Variants in CNTNAP2 observed in about 807,000 individuals in gnomAD.
CNTNAP2 encodes the protein contactin-associated protein-like 2.
Under a neutral mutation model 155.2 loss-of-function variants are expected in CNTNAP2, and 98 were observed. The ratio of observed to expected loss-of-function variants is 0.63; its 90% CI spans 0.54 to 0.75. The LOEUF is 0.75. Among genes scored for constraint, CNTNAP2 ranks in the 30% least tolerant of loss-of-function variants. The pLI, the probability that CNTNAP2 is intolerant of heterozygous loss-of-function variation, is 0.00. For missense variants in CNTNAP2, 1,727 were observed against 1,688.1 expected, an observed-to-expected ratio of 1.02 and a Z score of -0.40; for synonymous variants, 651 against 631.2, an observed-to-expected ratio of 1.03 and a Z score of -0.47.
intron 1 of CNTNAP2, among the ~76,000 whole-genome samples, chr7:146,723,379 A>C (rs6969806): frequency 0.034 from 5,209 of 152,242 alleles, 133 homozygotes; most frequent in East Asian, 0.12. Context: ...GAACCAGTAA[A>C]CTTCTACTGT....
chr7:146,348,802 T>G (rs1794868246), intron 1 of CNTNAP2, among the ~76,000 whole-genome samples: 1 of 148,916 alleles, frequency 6.7e-6, no homozygotes, highest in Non-Finnish European at 1.5e-5. Flanking sequence ...AAAAATTCCT[T>G]GTTCTCATGA....
intron 2 of CNTNAP2, among the ~76,000 whole-genome samples, chr7:146,813,398 A>G (rs1272645409): frequency 6.6e-6 from 1 of 152,202 alleles, no homozygotes; most frequent in East Asian, 1.9e-4. Context: ...CATGGAGTCA[A>G]AGGAGATAAC....
chr7:148,280,684 T>C (rs2116460506), intron 21 of CNTNAP2, among the ~76,000 whole-genome samples: 1 of 152,230 alleles, frequency 6.6e-6, no homozygotes, highest in African/African-American at 2.4e-5. Context: ...TTTGGAAGGC[T>C]GAGGCAGGTG....
At chr7:147,817,367 A>G (rs1554438427) in intron 13 of CNTNAP2, among the ~76,000 whole-genome samples, 1 of 152,240 alleles carries the variant, frequency 6.6e-6, no homozygotes, top group Non-Finnish European at 1.5e-5. Context: ...AGGTGAGATA[A>G]TATCACTGTT....
intron 15 of CNTNAP2, among the ~76,000 whole-genome samples, chr7:148,099,868 G>GTTTTTTTTTTTTTTTTTT (rs751537152): frequency 3.4e-5 from 3 of 88,804 alleles, no homozygotes; most frequent in Non-Finnish European, 4.1e-5. Context: ...TTTTTTTTTG[G>GTTTTTTTTTTTTTTTTTT]TTTTTTTTTT....
intron 1 of CNTNAP2, among the ~76,000 whole-genome samples, chr7:146,442,756 C>A (rs1796338670): frequency 6.6e-6 from 1 of 152,116 alleles, no homozygotes; most frequent in Non-Finnish European, 1.5e-5. Flanking sequence ...GTGGATTTAG[C>A]CTTCAGGATT....
chr7:146,651,239 A>T (rs2129163652), intron 1 of CNTNAP2, among the ~76,000 whole-genome samples: 1 of 152,282 alleles, frequency 6.6e-6, no homozygotes, highest in African/African-American at 2.4e-5. Flanking sequence ...AGAAAGCACA[A>T]GAAATGTGTG....
chr7:147,356,297 C>T (rs1796060837), intron 9 of CNTNAP2, among the ~76,000 whole-genome samples: 1 of 151,802 alleles, frequency 6.6e-6, no homozygotes. Flanking sequence ...AAAATAATAC[C>T]TATTTATGAC....
intron 1 of CNTNAP2, among the ~76,000 whole-genome samples, chr7:146,190,271 G>T (rs1360359327): frequency 3.3e-5 from 5 of 152,108 alleles, no homozygotes; most frequent in Non-Finnish European, 7.4e-5. Context: ...GTGACCTGCA[G>T]TGGTGCTCTT....
chr7:147,608,220 A>T (rs1332184576), intron 12 of CNTNAP2, among the ~76,000 whole-genome samples: 1 of 151,992 alleles, frequency 6.6e-6, no homozygotes, highest in East Asian at 1.9e-4. Flanking sequence ...GAAAAAAAAA[A>T]AAACACAATG....
At chr7:147,906,896 G>A (rs1423885046) in intron 14 of CNTNAP2, among the ~76,000 whole-genome samples, 1 of 152,138 alleles carries the variant, frequency 6.6e-6, no homozygotes, top group African/African-American at 2.4e-5. Flanking sequence ...CTTCAATTGA[G>A]TTCTAACATT....
At chr7:146,406,236 G>A (rs1795789681) in intron 1 of CNTNAP2, among the ~76,000 whole-genome samples, 1 of 152,164 alleles carries the variant, frequency 6.6e-6, no homozygotes, top group African/African-American at 2.4e-5. Flanking sequence ...ATGCAGTGGT[G>A]ACCTTAGGAC....
At chr7:147,840,409 G>T (rs532061589) in intron 13 of CNTNAP2, among the ~76,000 whole-genome samples, 1 of 152,276 alleles carries the variant, frequency 6.6e-6, no homozygotes, top group South Asian at 2.1e-4. Context: ...AACCACTGGT[G>T]GGGGCAGAGG....
intron 18 of CNTNAP2, among the ~76,000 whole-genome samples, chr7:148,188,854 T>C (rs1441699370): frequency 1.3e-5 from 2 of 152,250 alleles, no homozygotes; most frequent in African/African-American, 2.4e-5. Flanking sequence ...TACTGCTTCA[T>C]ATTATTCCAC....
At chr7:146,252,786 A>G (rs564837221) in intron 1 of CNTNAP2, among the ~76,000 whole-genome samples, 1 of 152,370 alleles carries the variant, frequency 6.6e-6, no homozygotes, top group East Asian at 1.9e-4. Context: ...AGTCCATAAC[A>G]AAGTGTCAAC....
At chr7:146,811,060 A>C (rs916301326) in intron 2 of CNTNAP2, among the ~76,000 whole-genome samples, 3 of 152,108 alleles carry the variant, frequency 2.0e-5, no homozygotes, top group Non-Finnish European at 4.4e-5. Context: ...GGAGTTTTAC[A>C]TCTGTGTTTA....
intron 1 of CNTNAP2, among the ~76,000 whole-genome samples, chr7:146,280,581 C>T (rs1800235656): frequency 6.6e-6 from 1 of 152,142 alleles, no homozygotes; most frequent in Non-Finnish European, 1.5e-5. Flanking sequence ...GTCTGAGCCT[C>T]AGTGATTCTG....
intron 16 of CNTNAP2, among the ~76,000 whole-genome samples, chr7:148,143,254 T>C (rs1454325830): frequency 6.6e-6 from 1 of 152,106 alleles, no homozygotes; most frequent in Non-Finnish European, 1.5e-5. Context: ...GCGTGAAAAG[T>C]GAAAAGACCA....
At chr7:146,842,714 C>T (rs1448856608) in intron 3 of CNTNAP2, among the ~76,000 whole-genome samples, 9 of 152,078 alleles carry the variant, frequency 5.9e-5, no homozygotes, top group African/African-American at 1.2e-4. Flanking sequence ...GAGACGGAGT[C>T]TCGCTCTTTC....
Sources: allele counts gnomAD v4.1 joint callset (sites outside exome capture counted in the v4.1 genomes callset), GRCh38; gene constraint gnomAD v4.1.1; transcripts MANE v1.5; gene names NCBI Gene and HGNC (gene_info 2026-07-23, HGNC 2026-07-21).